The following MPRIP variants were observed in gnomAD, a reference collection of about 807,000 sequenced individuals.
The protein encoded by MPRIP is myosin phosphatase Rho-interacting protein.
A neutral mutation model predicts 234.9 loss-of-function variants in MPRIP; 59 were observed. The ratio of observed to expected loss-of-function variants is 0.25; its 90% confidence interval spans 0.20 to 0.31. MPRIP has a LOEUF of 0.31. Ranked by LOEUF, MPRIP falls within the 10% of genes least tolerant of loss-of-function variation. The probability of loss-of-function intolerance (pLI) is 1.00; values close to 1 mark genes in which losing one functional copy is unlikely to be tolerated. For missense variants in MPRIP, 2,436 were observed against 3,071.0 expected, an observed-to-expected ratio of 0.79 and a Z score of 4.89; for synonymous variants, 1,144 against 1,263.9, an observed-to-expected ratio of 0.91 and a Z score of 2.01.
chr17:17,180,262 G>A, intron 23 of MPRIP, 174 bp downstream of exon 23: 1 of 623,050 alleles, frequency 1.6e-6, no homozygotes, highest in Non-Finnish European at 2.8e-6. Context: ...TGAGCTCTGT[G>A]TCTGTCTTGG....
chr17:17,087,581 G>A (rs2089619488), intron 3 of MPRIP, among the ~76,000 whole-genome samples: 1 of 152,214 alleles, frequency 6.6e-6, no homozygotes, highest in Admixed American at 6.5e-5. Context: ...GTTGGCCCTG[G>A]CCAGACGCGA....
At position 17,167,759 on chromosome 17, in the gene MPRIP, C is replaced by A; in HGVS notation, c.6168C>A (p.Thr2056=). 1 of 1,304,220 alleles carries A rather than the reference C, an allele frequency of 7.7e-7. No homozygotes were observed. The allele number at this position is 1,304,220 out of a possible 1,614,324, so 80.8% of individuals were successfully genotyped here. A position where few individuals can be genotyped will look rare whatever the true frequency, so the allele number is the denominator to read the frequency against. The change falls in exon 16 of 24, where the codon ACC becomes ACA. Residue 2056 remains threonine (T), a synonymous_variant. Coordinates refer to ENST00000651222, the MANE Select transcript of MPRIP (RefSeq NM_001364716.4). The surrounding 1 kb of genome is among the most constrained non-coding windows in gnomAD (Gnocchi z 5.9). ...CCCCTGCCCCCAACTGGCAGGCCAC[C>A]CAGGGAGAGGCTGACTCCATGACGG... The part of the protein sequence containing the change: ...LPAPAPNWQA[T]QGEADSMTGL...
intron 1 of MPRIP, among the ~76,000 whole-genome samples, chr17:17,071,421 C>T (rs186134125): frequency 4.9e-4 from 75 of 152,322 alleles, no homozygotes; most frequent in African/African-American, 1.6e-3. Flanking sequence ...AGAGTCACCA[C>T]GGTGTCCTTC....
chr17:17,048,747 G>A (rs565692035), intron 1 of MPRIP, among the ~76,000 whole-genome samples: 2 of 152,344 alleles, frequency 1.3e-5, no homozygotes, highest in South Asian at 2.1e-4. Flanking sequence ...ATGAAATGGT[G>A]TAGCTGCTGT....
intron 14 of MPRIP, among the ~76,000 whole-genome samples, chr17:17,160,410 C>A (rs1405248046): frequency 6.6e-6 from 1 of 152,206 alleles, no homozygotes; most frequent in Non-Finnish European, 1.5e-5. Context: ...TCTCACAGCA[C>A]AGTCTGTCAG....
chr17:17,131,574 T>G (rs751818024), intron 4 of MPRIP, 43 bp from the exon 5 acceptor site: 1 of 1,567,168 alleles, frequency 6.4e-7, no homozygotes, highest in Non-Finnish European at 8.8e-7. Context: ...AGTCCCCGAG[T>G]GCCAGGGTCT....
chr17:17,156,537 C>T (rs1418915387), intron 13 of MPRIP, among the ~76,000 whole-genome samples: 3 of 152,246 alleles, frequency 2.0e-5, no homozygotes, highest in Non-Finnish European at 4.4e-5. Flanking sequence ...TCAGAAGCTG[C>T]TGTCCTCGTC....
chr17:17,102,162 A>G (rs151056393), intron 3 of MPRIP, among the ~76,000 whole-genome samples: 290 of 152,190 alleles, frequency 1.9e-3, no homozygotes, highest in Admixed American at 3.0e-3. Flanking sequence ...CGCTGGAATT[A>G]CAGGCATGAG....
At position 17,164,141 on chromosome 17, in the gene MPRIP, G is replaced by A; in HGVS notation, c.2550G>A (p.Trp850Ter). 1 of 1,304,238 alleles carries A rather than the reference G, an allele frequency of 7.7e-7. No individual in the cohort carries two copies. The highest frequency in any genetic ancestry group is 1.0e-6 in the Non-Finnish European group (1 of 988,996). 80.8% of individuals were successfully genotyped at this position (1,304,238 alleles called of 1,614,324 possible). The change falls in exon 16 of 24, where the codon TGG becomes TGA. Residue 850 changes from tryptophan to a stop codon, truncating the protein, a stop_gained. Coordinates refer to ENST00000651222, the MANE Select transcript of MPRIP (RefSeq NM_001364716.4). LOFTEE classifies it high-confidence loss of function. ...TGGCCGCCTCCCCATCGGGTGCCTG[G>A]CAGAGGCTCCATAGAGTCAACCAAG... ...TEVAASPSGA[W>*]QRLHRVNQDL... is the part of the protein sequence containing the mutation.
At chr17:17,180,598 C>T (rs1244207948) in intron 23 of MPRIP, 1 of 1,612,890 alleles carries the variant, frequency 6.2e-7, no homozygotes, top group Non-Finnish European at 8.5e-7. Context: ...CTGCTCTCTC[C>T]TCTGACAGTC....
rs565200592 is a variant in MPRIP at position 17,073,646 on chromosome 17, C to T, written c.124-2064C>T. On this transcript the variant is annotated intron_variant, in intron 1 of 23. Transcript: ENST00000651222. ...GGGAGTCACAGAGTCCAGATACACA[C>T]AGGGAGTTGTCCAGCTCCGGCTTTC... Among the ~76,000 whole-genome samples, 18 of 152,194 alleles carry T rather than the reference C, an allele frequency of 1.2e-4. No homozygotes were observed. In the East Asian group the frequency reaches 3.3e-3, roughly 28 times the overall value.
intron 1 of MPRIP, among the ~76,000 whole-genome samples, chr17:17,045,184 G>A (rs1425046893): frequency 6.6e-6 from 1 of 152,194 alleles, no homozygotes; most frequent in East Asian, 1.9e-4. Context: ...AGCCACCATC[G>A]AGGCCACTCC....
At chr17:17,132,773 G>A (rs1232537074) in intron 5 of MPRIP, among the ~76,000 whole-genome samples, 1 of 152,230 alleles carries the variant, frequency 6.6e-6, no homozygotes, top group East Asian at 1.9e-4. Context: ...GGACACCCAA[G>A]CCAACATCCG....
chr17:17,115,500 G>A (rs985105146), intron 3 of MPRIP, among the ~76,000 whole-genome samples: 1 of 152,252 alleles, frequency 6.6e-6, no homozygotes, highest in African/African-American at 2.4e-5. Flanking sequence ...TGGCCTGCTT[G>A]CTGCTGAGCC....
rs1293374667 is a variant in MPRIP, at chr17:17,191,722, C to T, written c.*6828C>T. ...GTCACGCCCATCACTCCCTGCCCCC[C>T]ACTGCCCTTGAGAAGTTAGTGGTGT... On this transcript the variant is annotated 3_prime_UTR_variant, in exon 24 of 24. Coordinates refer to ENST00000651222, the MANE Select transcript of MPRIP (RefSeq NM_001364716.4). The T allele has an allele frequency of 6.6e-6, 1 of 152,290 alleles. No individual in the cohort carries two copies. Among genetic ancestry groups the T allele is most frequent in the Non-Finnish European group, 1.5e-5 (1 of 68,064 alleles). The allele number at this position is 152,290 out of a possible 1,614,324, so 9.4% of individuals were successfully genotyped here. A position where few individuals can be genotyped will look rare whatever the true frequency, so the allele number is the denominator to read the frequency against.
intron 18 of MPRIP, 88 bp downstream of exon 18, chr17:17,172,903 C>A: frequency 1.7e-6 from 2 of 1,205,760 alleles, no homozygotes; most frequent in Non-Finnish European, 2.4e-6. Flanking sequence ...TGTGTCTTTG[C>A]AGAGGCCTCC....
chr17:17,059,348 T>G (rs2088803025), intron 1 of MPRIP, among the ~76,000 whole-genome samples: 1 of 152,210 alleles, frequency 6.6e-6, no homozygotes, highest in African/African-American at 2.4e-5. Flanking sequence ...TTAGTATTTT[T>G]ATTAAAATGG....
intron 1 of MPRIP, among the ~76,000 whole-genome samples, chr17:17,043,530 G>C (rs750917263): frequency 1.4e-4 from 22 of 152,214 alleles, no homozygotes; most frequent in Non-Finnish European, 2.9e-4. Context: ...CAGTTCCCTG[G>C]TCACTGGCCG....
intron 1 of MPRIP, among the ~76,000 whole-genome samples, chr17:17,056,568 C>T (rs1398642096): frequency 2.0e-5 from 3 of 151,674 alleles, no homozygotes; most frequent in Admixed American, 1.3e-4. Flanking sequence ...CTGCTGTCCC[C>T]GTGCTATGAT....
Sources: allele counts gnomAD v4.1 joint callset (sites outside exome capture counted in the v4.1 genomes callset), GRCh38; gene constraint gnomAD v4.1.1; non-coding constraint Gnocchi (gnomAD v3.1); transcripts MANE v1.5; gene names NCBI Gene and HGNC (gene_info 2026-07-23, HGNC 2026-07-21).